The following PRKCQ variants were observed in gnomAD, a reference collection of about 807,000 sequenced individuals.
PRKCQ encodes the protein protein kinase C theta type.
A neutral mutation model predicts 91.2 loss-of-function variants in PRKCQ; 41 were observed. The observed-to-expected ratio is 0.45, with a 90% CI of 0.35 to 0.58. PRKCQ has a LOEUF of 0.58. Among genes scored for constraint, PRKCQ ranks in the 20% least tolerant of loss-of-function variants. The probability of loss-of-function intolerance (pLI) is 0.00; values close to 1 mark genes in which losing one functional copy is unlikely to be tolerated. For missense variants in PRKCQ, 673 were observed against 896.5 expected (o/e 0.75, Z 3.18); for synonymous variants, 307 against 316.9 (o/e 0.97, Z 0.33).
At chr10:6,520,507 AT>A (rs1274960432) in intron 1 of PRKCQ, among the ~76,000 whole-genome samples, 1 of 152,130 alleles carries the variant, frequency 6.6e-6, no homozygotes, top group Non-Finnish European at 1.5e-5. Context: ...CCAATGTGCC[AT>A]GTGTTTCACA....
intron 8 of PRKCQ, among the ~76,000 whole-genome samples, chr10:6,490,560 TAA>T (rs71515438): frequency 3.1e-5 from 4 of 129,272 alleles, no homozygotes; most frequent in Non-Finnish European, 1.6e-5. Flanking sequence ...ACCATACCTC[TAA>T]AAAAAAAAAA....
At chr10:6,414,653 T>C in the PRKCQ span, among the ~76,000 whole-genome samples, 49,696 of 152,028 alleles carry the variant, frequency 0.33, 8,917 homozygotes, top group African/African-American at 0.48. Flanking sequence ...AACTATAATG[T>C]CTGAGATAAT....
At chr10:6,515,581 G>C (rs557328575) in intron 1 of PRKCQ, 1 of 900,572 alleles carries the variant, frequency 1.1e-6, no homozygotes, top group Non-Finnish European at 1.3e-6. Flanking sequence ...ATATGACACC[G>C]CAAAATTCTT....
chr10:6,488,581 G>A (rs1042751262), intron 8 of PRKCQ, among the ~76,000 whole-genome samples: 4 of 152,016 alleles, frequency 2.6e-5, no homozygotes, highest in Non-Finnish European at 4.4e-5. Flanking sequence ...ACAGGGTTTC[G>A]CCATGTTGGC....
At chr10:6,451,477 C>T (rs1834672516) in intron 15 of PRKCQ, among the ~76,000 whole-genome samples, 1 of 152,178 alleles carries the variant, frequency 6.6e-6, no homozygotes. Context: ...GATGGATCCA[C>T]AGCCGAATTC....
At chr10:6,494,490 G>C (rs1384793687) in intron 7 of PRKCQ, among the ~76,000 whole-genome samples, 1 of 151,894 alleles carries the variant, frequency 6.6e-6, no homozygotes, top group Non-Finnish European at 1.5e-5. Context: ...AGGTCAATCA[G>C]ACTAATGCCT....
Position 6,441,716 on chromosome 10 carries a change from T to C in PRKCQ, c.1836+177A>G, listed in dbSNP as rs184182167. 6.2e-4 allele frequency among the ~76,000 whole-genome samples: 95 copies of C among 152,342 alleles called. 1 individual carries two copies. Among genetic ancestry groups the C allele is most frequent in the African/African-American group, 2.2e-3 (90 of 41,578 alleles). On this transcript the variant is annotated intron_variant, in intron 16 of 17. Coordinates refer to ENST00000263125, the MANE Select transcript of PRKCQ (RefSeq NM_006257.5). ...GGTTTCTCTTACACTCATTTTGACATTTAATGCTCATAATATTGGTGCCTC... is the reference window on the plus strand; with the variant it reads ...GGTTTCTCTTACACTCATTTTGACACTTAATGCTCATAATATTGGTGCCTC...
intron 16 of PRKCQ, among the ~76,000 whole-genome samples, chr10:6,432,223 C>T (rs1337199708): frequency 1.3e-5 from 2 of 152,082 alleles, no homozygotes; most frequent in Admixed American, 6.6e-5. Context: ...ACCTAAATTG[C>T]GAGTCTCTTG....
chr10:6,434,517 C>A (rs1243699567), intron 16 of PRKCQ, among the ~76,000 whole-genome samples: 1 of 152,194 alleles, frequency 6.6e-6, no homozygotes, highest in Non-Finnish European at 1.5e-5. Flanking sequence ...CCACTGAGGT[C>A]CTGAGGATGA....
At chr10:6,505,787 A>G (rs1838175917) in intron 4 of PRKCQ, among the ~76,000 whole-genome samples, 1 of 152,096 alleles carries the variant, frequency 6.6e-6, no homozygotes, top group South Asian at 2.1e-4. Flanking sequence ...CTGGGACTAC[A>G]GGCACGCACC....
chr10:6,541,519 C>T (rs1013590665), intron 1 of PRKCQ, among the ~76,000 whole-genome samples: 1 of 152,134 alleles, frequency 6.6e-6, no homozygotes, highest in African/African-American at 2.4e-5. Context: ...CCACTAGGTA[C>T]TTTTCACGTT....
At chr10:6,491,858 G>A (rs372225836) in intron 7 of PRKCQ, 46 bp from the exon 8 acceptor site, 41 of 1,611,998 alleles carry the variant, frequency 2.5e-5, no homozygotes, top group East Asian at 8.9e-5. Flanking sequence ...CTGGGGCCCC[G>A]ACTTTGGATG....
intron 16 of PRKCQ, among the ~76,000 whole-genome samples, chr10:6,436,845 T>A (rs1833722291): frequency 6.6e-6 from 1 of 152,148 alleles, no homozygotes; most frequent in East Asian, 1.9e-4. Flanking sequence ...TCCTTGGAAA[T>A]CATCACTTCC....
chr10:6,419,042 CATCT>C, the PRKCQ span, among the ~76,000 whole-genome samples: 2 of 151,012 alleles, frequency 1.3e-5, no homozygotes, highest in African/African-American at 2.4e-5. Context: ...ACCTATCATC[CATCT>C]ATCTCTATCT....
intron 16 of PRKCQ, among the ~76,000 whole-genome samples, chr10:6,436,991 G>C (rs1460392946): frequency 6.6e-6 from 1 of 152,156 alleles, no homozygotes; most frequent in Non-Finnish European, 1.5e-5. Flanking sequence ...TGGGCCATGA[G>C]GGGTGTTGGG....
At chr10:6,423,732 T>C (rs1054539881), downstream of PRKCQ, among the ~76,000 whole-genome samples, 1 of 152,184 alleles carries the variant, frequency 6.6e-6, no homozygotes, top group African/African-American at 2.4e-5. Flanking sequence ...GCCCATCCCT[T>C]TGGCTGCCTT....
At chr10:6,399,625 A>G in the PRKCQ span, among the ~76,000 whole-genome samples, 1 of 152,076 alleles carries the variant, frequency 6.6e-6, no homozygotes, top group African/African-American at 2.4e-5. Flanking sequence ...GGGGTGGAGG[A>G]GAGGAAGTTT....
intron 1 of PRKCQ, among the ~76,000 whole-genome samples, chr10:6,579,747 C>A (rs950868217): frequency 6.6e-6 from 1 of 151,076 alleles, no homozygotes; most frequent in African/African-American, 2.4e-5. Flanking sequence ...AGCAATGGCA[C>A]CCCCGTCCGT....
At chr10:6,478,560 G>A (rs895008549) in intron 12 of PRKCQ, among the ~76,000 whole-genome samples, 2 of 152,178 alleles carry the variant, frequency 1.3e-5, no homozygotes, top group East Asian at 3.8e-4. Context: ...TCACTGATGA[G>A]CCCACTCCAA....
Sources: gnomAD v4.1 joint callset for allele counts (sites outside exome capture counted in the v4.1 genomes callset) on GRCh38, gnomAD v4.1.1 for gene constraint, MANE v1.5 for transcripts, NCBI Gene and HGNC (gene_info 2026-07-23, HGNC 2026-07-21) for gene names.